Variants in ATRN observed in about 807,000 individuals in gnomAD.
The protein encoded by ATRN is attractin-2.
A neutral mutation model predicts 178.7 loss-of-function variants in ATRN; 54 were observed. The observed-to-expected ratio is 0.30, with a 90% CI of 0.24 to 0.38. The LOEUF (loss-of-function observed/expected upper bound fraction) is 0.38. ATRN is among the 10% of genes least tolerant of loss of function. ATRN has a pLI of 1.00. For missense variants in ATRN, 1,443 were observed against 1,815.1 expected (o/e 0.79, Z 3.73); for synonymous variants, 636 against 663.0 (o/e 0.96, Z 0.63).
chr20:3,637,092 AATATAT>A (rs2087031154), intron 26 of ATRN, among the ~76,000 whole-genome samples: 1 of 152,180 alleles, frequency 6.6e-6, no homozygotes, highest in African/African-American at 2.4e-5. Flanking sequence ...AAAAGATTAA[AATATAT>A]ATATGTGTTT....
chr20:3,508,649 A>G (rs771088058), intron 1 of ATRN, among the ~76,000 whole-genome samples: 62 of 152,242 alleles, frequency 4.1e-4, no homozygotes, highest in Admixed American at 1.2e-3. Context: ...GGAGTTCCGT[A>G]AGCAGAGGAG....
Position 3,645,207 on chromosome 20 carries a change from C to T in ATRN, c.4165+939C>T, listed in dbSNP as rs747856032. ...CACCCTGTGTCTGGTGGAAAGGCTG[C>T]CCCAGGATACTGGTCCAGGCCCTGA... On this transcript the variant is annotated intron_variant, in intron 28 of 28. Coordinates refer to ENST00000262919, the MANE Select transcript of ATRN (RefSeq NM_139321.3). This position sits in a 1 kb window ranked among gnomAD's most constrained non-coding sequence, Gnocchi z 4.7. Among the ~76,000 whole-genome samples, 6 of 152,172 alleles carry T rather than the reference C, an allele frequency of 3.9e-5. No homozygotes were observed. The highest frequency in any genetic ancestry group is 8.8e-5 in the Non-Finnish European group (6 of 68,028).
intron 17 of ATRN, among the ~76,000 whole-genome samples, chr20:3,584,446 G>A (rs235539): frequency 0.75 from 114,433 of 152,078 alleles, 43,493 homozygotes; most frequent in East Asian, 1. Context: ...AACATCCTGG[G>A]ATTGAGAGAG....
intron 1 of ATRN, among the ~76,000 whole-genome samples, chr20:3,496,208 T>C (rs2084876340): frequency 6.6e-6 from 1 of 151,352 alleles, no homozygotes; most frequent in Non-Finnish European, 1.5e-5. Flanking sequence ...TGAATGTGTT[T>C]GCTCTTGCTT....
chr20:3,525,661 G>A (rs1439098385), intron 1 of ATRN, among the ~76,000 whole-genome samples: 2 of 152,102 alleles, frequency 1.3e-5, no homozygotes, highest in South Asian at 4.1e-4. Flanking sequence ...ATAAAATACT[G>A]GCACACCGAA....
chr20:3,561,318 G>A (rs751016244), intron 8 of ATRN, among the ~76,000 whole-genome samples: 43 of 151,598 alleles, frequency 2.8e-4, no homozygotes, highest in Non-Finnish European at 1.5e-4. Context: ...GTGAGACTCC[G>A]TCTCAAAACA....
intron 1 of ATRN, among the ~76,000 whole-genome samples, chr20:3,485,683 G>A (rs1455396145): frequency 7.4e-6 from 1 of 135,196 alleles, no homozygotes; most frequent in African/African-American, 2.8e-5. Context: ...GTGCAATGGT[G>A]CGATCTTGGC....
Position 3,578,435 on chromosome 20 carries a change from A to G in ATRN, c.2354-147A>G, listed in dbSNP as rs940679187. On this transcript the variant is annotated intron_variant, in intron 14 of 28. Transcript: ENST00000262919. ...TTGTATTCTGCATTTGGTCCTTAAT[A>G]ATGTGTCAGAGGCTCCCACATCCTA... The G allele has an allele frequency of 6.1e-5, 40 of 654,018 alleles. 1 individual carries two copies. Among genetic ancestry groups the G allele is most frequent in the Middle Eastern group, 7.8e-4 (2 of 2,560 alleles). The allele number at this position is 654,018 out of a possible 1,614,324, so 40.5% of individuals were successfully genotyped here. A position where few individuals can be genotyped will look rare whatever the true frequency, so the allele number is the denominator to read the frequency against.
chr20:3,603,778 G>C (rs1317466550), intron 23 of ATRN, among the ~76,000 whole-genome samples: 1 of 152,184 alleles, frequency 6.6e-6, no homozygotes, highest in South Asian at 2.1e-4. Flanking sequence ...GTGAGCCACC[G>C]CACCCGGCCA....
At chr20:3,609,710 A>ATGTGTGTG (rs1258394170) in intron 24 of ATRN, among the ~76,000 whole-genome samples, 24 of 117,292 alleles carry the variant, frequency 2.0e-4, no homozygotes, top group Middle Eastern at 3.9e-3. Context: ...TGTGGTATGT[A>ATGTGTGTG]TGTATGTGTG....
intron 2 of ATRN, among the ~76,000 whole-genome samples, chr20:3,539,100 T>C (rs929030339): frequency 3.3e-5 from 5 of 152,228 alleles, no homozygotes; most frequent in Non-Finnish European, 5.9e-5. Flanking sequence ...TGTTTATGTA[T>C]TTATTTAGTT....
At chr20:3,524,550 C>G (rs1043919916) in intron 1 of ATRN, among the ~76,000 whole-genome samples, 7 of 152,144 alleles carry the variant, frequency 4.6e-5, no homozygotes, top group Non-Finnish European at 1.0e-4. Flanking sequence ...GAACTCAGCT[C>G]TGGACCAACA....
chr20:3,515,415 G>A (rs1174566365), intron 1 of ATRN, among the ~76,000 whole-genome samples: 1 of 152,164 alleles, frequency 6.6e-6, no homozygotes, highest in Non-Finnish European at 1.5e-5. Flanking sequence ...TGGGAAGGCA[G>A]GTAGATTTAC....
intron 1 of ATRN, among the ~76,000 whole-genome samples, chr20:3,486,548 C>T (rs2084696466): frequency 6.6e-6 from 1 of 152,088 alleles, no homozygotes; most frequent in Non-Finnish European, 1.5e-5. Context: ...GTTGAAATTA[C>T]AGTTGTGTGC....
rs2087120983 is a variant in ATRN at position 3,648,185 on chromosome 20, C to A, written c.*1338C>A. The stretch of plus-strand genomic sequence containing the variant: ...TTTCCCCCAGGAGGGGCTCGACCCA[C>A]CCACCCTCCCTCTCAGACCAAGGTG... On this transcript the variant is annotated 3_prime_UTR_variant, in exon 29 of 29. Coordinates refer to ENST00000262919, the MANE Select transcript of ATRN (RefSeq NM_139321.3). The A allele has an allele frequency of 7.0e-6, 1 of 143,320 alleles. No individual in the cohort carries two copies. The highest frequency in any genetic ancestry group is 6.9e-5 in the Admixed American group (1 of 14,448). The allele number at this position is 143,320 out of a possible 1,614,324, so 8.9% of individuals were successfully genotyped here. A position where few individuals can be genotyped will look rare whatever the true frequency, so the allele number is the denominator to read the frequency against.
At position 3,619,659 on chromosome 20, in the gene ATRN, A is replaced by G. The variant is rs184084168; in HGVS notation, c.3802-4852A>G. ...AGAAATGCCATGCTTCCATATTTTT[A>G]TGGTAATCTTGGACTCAGGTTCTAC... On this transcript the variant is annotated intron_variant, in intron 24 of 28. Coordinates refer to ENST00000262919, the MANE Select transcript of ATRN (RefSeq NM_139321.3). Among the ~76,000 whole-genome samples, 66 of 152,316 alleles carry G rather than the reference A, an allele frequency of 4.3e-4. 2 individuals carry two copies. The South Asian group carries it at 0.013, about 30-fold the overall frequency.
chr20:3,502,431 G>A (rs989425228), intron 1 of ATRN, among the ~76,000 whole-genome samples: 4 of 152,140 alleles, frequency 2.6e-5, no homozygotes, highest in African/African-American at 9.7e-5. Context: ...CAACATAGTC[G>A]TAGAGCATCT....
chr20:3,548,430 T>C (rs1247666708), intron 5 of ATRN, among the ~76,000 whole-genome samples: 1 of 151,890 alleles, frequency 6.6e-6, no homozygotes, highest in African/African-American at 2.4e-5. Flanking sequence ...TGAAACCCTG[T>C]CTCTACTAAA....
At chr20:3,620,902 C>T (rs541809677) in intron 24 of ATRN, among the ~76,000 whole-genome samples, 19 of 152,184 alleles carry the variant, frequency 1.2e-4, no homozygotes, top group Admixed American at 2.0e-4. Flanking sequence ...CCATGGCCCG[C>T]GGGCTACATG....
Sources: gnomAD v4.1 joint callset for allele counts (sites outside exome capture counted in the v4.1 genomes callset) on GRCh38, gnomAD v4.1.1 for gene constraint, Gnocchi (gnomAD v3.1) non-coding constraint, MANE v1.5 for transcripts, NCBI Gene and HGNC (gene_info 2026-07-23, HGNC 2026-07-21) for gene names.